The following CRPPA variants were observed in gnomAD, a reference collection of about 807,000 sequenced individuals.
CRPPA encodes CDP-L-ribitol pyrophosphorylase A, also known as D-ribitol-5-phosphate cytidylyltransferase.
In CRPPA, 43 loss-of-function variants were observed where a neutral mutation model predicts 52.0. That is an observed-to-expected ratio of 0.83 (90% CI 0.65 to 1.07). CRPPA has a LOEUF of 1.07. CRPPA is among the 50% of genes least tolerant of loss of function. CRPPA has a pLI of 0.00. For missense variants in CRPPA, 629 were observed against 551.7 expected (o/e 1.14, Z -1.40); for synonymous variants, 250 against 203.5 (o/e 1.23, Z -1.94).
rs190095020 is a variant in CRPPA, at chr7:16,407,976, C to T, written c.258-1639G>A. On this transcript the variant is annotated intron_variant, in intron 1 of 9. Coordinates refer to ENST00000407010, the MANE Select transcript of CRPPA (RefSeq NM_001101426.4). ...ATAAAAAATCAACCAGGTGTAGTGGCACGCAACTGTAATCCCAGCTACTCG... is the reference window on the plus strand; with the variant it reads ...ATAAAAAATCAACCAGGTGTAGTGGTACGCAACTGTAATCCCAGCTACTCG... Among the ~76,000 whole-genome samples the T allele has an allele frequency of 1.6e-4, 25 of 151,992 alleles. No homozygotes were observed. In the East Asian group the frequency reaches 4.5e-3, roughly 27 times the overall value.
chr7:16,391,096 T>G (rs978064857), intron 2 of CRPPA, among the ~76,000 whole-genome samples: 4 of 152,150 alleles, frequency 2.6e-5, no homozygotes, highest in Non-Finnish European at 5.9e-5. Flanking sequence ...CACTTCCAAA[T>G]GCCTGTTTAA....
intron 5 of CRPPA, among the ~76,000 whole-genome samples, chr7:16,296,383 G>A (rs192498020): frequency 3.0e-4 from 45 of 152,106 alleles, no homozygotes; most frequent in Non-Finnish European, 4.7e-4. Context: ...AATTAAGATG[G>A]ACCAAAACAC....
chr7:16,253,140 C>T (rs1783507449), intron 8 of CRPPA, among the ~76,000 whole-genome samples: 1 of 152,160 alleles, frequency 6.6e-6, no homozygotes, highest in African/African-American at 2.4e-5. Context: ...TTCTTGCCTT[C>T]TGCTAGCTTT....
At chr7:16,223,931 G>T (rs1030326440) in intron 8 of CRPPA, among the ~76,000 whole-genome samples, 1 of 151,942 alleles carries the variant, frequency 6.6e-6, no homozygotes, top group South Asian at 2.1e-4. Flanking sequence ...TAGAATTACA[G>T]TAAAACAGTA....
chr7:16,318,773 A>T (rs963551320), intron 3 of CRPPA, among the ~76,000 whole-genome samples: 10 of 152,262 alleles, frequency 6.6e-5, no homozygotes, highest in African/African-American at 2.4e-4. Context: ...CATCTGGTAA[A>T]AATCTCACTT....
chr7:16,389,734 T>TA lies in CRPPA; in HGVS notation c.535-13494dup, dbSNP rs567145291. 9.9e-5 allele frequency among the ~76,000 whole-genome samples: 15 copies of TA among 151,460 alleles called. No homozygotes were observed. In the East Asian group the frequency reaches 2.5e-3, roughly 26 times the overall value. ...TGTTGGCCATTTCCAGTAAACACTG[T>TA]AATGGGAGTCCTAGCTAGGATAATT... On this transcript the variant is annotated intron_variant, in intron 2 of 9. Transcript: ENST00000407010.
At chr7:16,139,997 G>A (rs1782836611) in intron 9 of CRPPA, among the ~76,000 whole-genome samples, 1 of 151,214 alleles carries the variant, frequency 6.6e-6, no homozygotes, top group Non-Finnish European at 1.5e-5. Flanking sequence ...CTAGTATCTT[G>A]CCACCATTAA....
chr7:16,090,007 T>A lies in CRPPA; in HGVS notation c.*1688A>T, dbSNP rs1322207397. The A allele has an allele frequency of 6.5e-6, 1 of 153,354 alleles. No individual in the cohort carries two copies. Among genetic ancestry groups the A allele is most frequent in the Non-Finnish European group, 1.5e-5 (1 of 68,818 alleles). The allele number at this position is 153,354 out of a possible 1,614,324, so 9.5% of individuals were successfully genotyped here. ...TCACCTGATGACTTCAACAGGTGCA[T>A]GTTGGGGACTTGGCAGCTGTGGTTT... On this transcript the variant is annotated 3_prime_UTR_variant, in exon 10 of 10. Coordinates refer to ENST00000407010, the MANE Select transcript of CRPPA (RefSeq NM_001101426.4).
chr7:16,148,459 A>G (rs1040078491), intron 9 of CRPPA, among the ~76,000 whole-genome samples: 1 of 152,184 alleles, frequency 6.6e-6, no homozygotes, highest in Non-Finnish European at 1.5e-5. Context: ...AGCCTTTAAA[A>G]AACATTGAAA....
At position 16,091,690 on chromosome 7, in the gene CRPPA, G is replaced by T. The variant is rs1451402420; in HGVS notation, c.*5C>A. On this transcript the variant is annotated 3_prime_UTR_variant, in exon 10 of 10. Transcript: ENST00000407010. ...TTTTAGAAAATAGGTAATTTTTTGT[G>T]TTCTTCATGCTATCAGAAGCTGACC... The T allele has an allele frequency of 4.7e-6, 7 of 1,504,134 alleles. No homozygotes were observed. Among genetic ancestry groups the T allele is most frequent in the Non-Finnish European group, 6.3e-6 (7 of 1,108,380 alleles). 93.2% of individuals were successfully genotyped at this position (1,504,134 alleles called of 1,614,324 possible).
At chr7:16,192,319 G>C (rs1398475216) in intron 9 of CRPPA, among the ~76,000 whole-genome samples, 2 of 152,094 alleles carry the variant, frequency 1.3e-5, no homozygotes, top group African/African-American at 2.4e-5. Flanking sequence ...TGATATGTAA[G>C]GTTCTGAGGC....
At position 16,217,750 on chromosome 7, in the gene CRPPA, A is replaced by G. The variant is rs1320858983; in HGVS notation, c.1120-1553T>C. On this transcript the variant is annotated intron_variant, in intron 8 of 9. Coordinates refer to ENST00000407010, the MANE Select transcript of CRPPA (RefSeq NM_001101426.4). ...AAGGGAAGTTTAGAGAAAAAAGAAT[A>G]AAAAGAAATGAGCAAAGCCTCCAAG... Among the ~76,000 whole-genome samples the G allele has an allele frequency of 3.4e-5, 5 of 145,658 alleles. 1 individual carries two copies. The highest frequency in any genetic ancestry group is 1.0e-4 in the African/African-American group (4 of 39,270).
chr7:16,367,375 A>G (rs1364244277), intron 3 of CRPPA, among the ~76,000 whole-genome samples: 1 of 152,202 alleles, frequency 6.6e-6, no homozygotes, highest in East Asian at 1.9e-4. Context: ...GAAATGGGGA[A>G]CTACACTGTA....
At chr7:16,340,513 T>A (rs1450613885) in intron 3 of CRPPA, among the ~76,000 whole-genome samples, 2 of 148,596 alleles carry the variant, frequency 1.3e-5, no homozygotes, top group African/African-American at 5.0e-5. Flanking sequence ...ATTCAGGAAA[T>A]CCAAGTAAAA....
At chr7:16,249,880 T>C (rs904686957) in intron 8 of CRPPA, among the ~76,000 whole-genome samples, 14 of 151,758 alleles carry the variant, frequency 9.2e-5, no homozygotes, top group African/African-American at 3.1e-4. Flanking sequence ...GGAGAATGAG[T>C]TTGACAAACT....
intron 3 of CRPPA, among the ~76,000 whole-genome samples, chr7:16,320,637 G>T (rs1214060342): frequency 6.6e-6 from 1 of 152,022 alleles, no homozygotes; most frequent in Non-Finnish European, 1.5e-5. Flanking sequence ...GCATGCACAG[G>T]TTTCTCACTC....
chr7:16,272,942 C>CGAT (rs1469230254), intron 6 of CRPPA, among the ~76,000 whole-genome samples: 1 of 150,750 alleles, frequency 6.6e-6, no homozygotes, highest in Non-Finnish European at 1.5e-5. Flanking sequence ...AATGTCTATT[C>CGAT]ATATCCTTTG....
intron 9 of CRPPA, among the ~76,000 whole-genome samples, chr7:16,129,482 T>A (rs1237507217): frequency 6.6e-6 from 1 of 152,078 alleles, no homozygotes; most frequent in Non-Finnish European, 1.5e-5. Context: ...GCTCTCATTG[T>A]CTCTCTCCTT....
chr7:16,256,300 G>A (rs992043778), intron 8 of CRPPA, among the ~76,000 whole-genome samples: 3 of 152,168 alleles, frequency 2.0e-5, no homozygotes, highest in Non-Finnish European at 2.9e-5. Context: ...TGGAGAGGAT[G>A]TGGAGAAATA....
Sources: allele counts gnomAD v4.1 joint callset (sites outside exome capture counted in the v4.1 genomes callset), GRCh38; gene constraint gnomAD v4.1.1; transcripts MANE v1.5; gene names NCBI Gene and HGNC (gene_info 2026-07-23, HGNC 2026-07-21).